PCLO: variants seen among roughly 807,000 people sequenced by gnomAD.
The protein encoded by PCLO is piccolo presynaptic cytomatrix protein.
In PCLO, 82 loss-of-function variants were observed where a neutral mutation model predicts 427.5. The ratio of observed to expected loss-of-function variants is 0.19; its 90% CI spans 0.16 to 0.23. The LOEUF is 0.23. PCLO is among the 10% of genes least tolerant of loss of function. The pLI, the probability that PCLO is intolerant of heterozygous loss-of-function variation, is 1.00. For synonymous variants in PCLO, 2,357 were observed against 2,155.4 expected, an observed-to-expected ratio of 1.09 and a Z score of -2.59; for missense variants, 6,239 against 6,115.9, an observed-to-expected ratio of 1.02 and a Z score of -0.67.
At chr7:82,774,480 T>C (rs1233804577) in intron 22 of PCLO, among the ~76,000 whole-genome samples, 2 of 152,228 alleles carry the variant, frequency 1.3e-5, no homozygotes, top group Non-Finnish European at 2.9e-5. Flanking sequence ...TAAGTCGGGA[T>C]AGACTAGATT....
intron 22 of PCLO, among the ~76,000 whole-genome samples, chr7:82,796,350 C>T (rs188846164): frequency 2.9e-4 from 44 of 151,988 alleles, no homozygotes; most frequent in Middle Eastern, 3.4e-3. Flanking sequence ...GAAATCACAC[C>T]CCAAATAGGA....
At chr7:82,771,341 C>A (rs979226651) in intron 22 of PCLO, among the ~76,000 whole-genome samples, 1 of 151,776 alleles carries the variant, frequency 6.6e-6, no homozygotes, top group African/African-American at 2.4e-5. Context: ...TTGTTAAGTT[C>A]TTTAGGTTCA....
At chr7:82,922,629 A>G (rs1794624173) in intron 6 of PCLO, among the ~76,000 whole-genome samples, 1 of 151,956 alleles carries the variant, frequency 6.6e-6, no homozygotes, top group South Asian at 2.1e-4. Flanking sequence ...ACTAGCTATC[A>G]GGTACTATGC....
intron 3 of PCLO, among the ~76,000 whole-genome samples, chr7:83,009,172 C>T (rs1023872152): frequency 1.3e-5 from 2 of 151,688 alleles, no homozygotes; most frequent in Admixed American, 1.3e-4. Flanking sequence ...ATGCTTAGCT[C>T]CCTGACTAGC....
At chr7:82,789,437 G>A (rs775291605) in intron 22 of PCLO, among the ~76,000 whole-genome samples, 1 of 152,164 alleles carries the variant, frequency 6.6e-6, no homozygotes, top group Non-Finnish European at 1.5e-5. Flanking sequence ...CAGGCACAGT[G>A]GCTCATGCCT....
At chr7:82,845,594 A>C (rs73171308) in intron 12 of PCLO, 109 bp from the exon 13 acceptor site, 1 of 701,328 alleles carries the variant, frequency 1.4e-6, no homozygotes, top group Non-Finnish European at 2.4e-6. Context: ...CTATAAAATA[A>C]GCTAAACTTT....
chr7:82,910,129 A>G (rs1794287491), intron 7 of PCLO, among the ~76,000 whole-genome samples: 1 of 144,956 alleles, frequency 6.9e-6, no homozygotes, highest in South Asian at 2.3e-4. Flanking sequence ...TAGAAGGAAC[A>G]AGGCTCCTCA....
At chr7:83,045,506 A>T (rs371046073) in intron 3 of PCLO, among the ~76,000 whole-genome samples, 1 of 152,206 alleles carries the variant, frequency 6.6e-6, no homozygotes, top group African/African-American at 2.4e-5. Context: ...ATTTGCATAT[A>T]TGCATGGATC....
intron 7 of PCLO, among the ~76,000 whole-genome samples, chr7:82,910,611 A>G (rs1353852521): frequency 2.6e-5 from 4 of 152,140 alleles, no homozygotes; most frequent in African/African-American, 2.4e-5. Flanking sequence ...CATAGCATCC[A>G]ATAAATATTG....
At position 83,162,654 on chromosome 7, in the gene PCLO, C is replaced by G; in HGVS notation, c.-62G>C. Reference sequence around the variant, plus strand: ...CGCGCCGCGTCCCAGTCGAGAAGCCCGCGGCCAGGGGAGCAGTCAGAGCCG... The same window carrying G: ...CGCGCCGCGTCCCAGTCGAGAAGCCGGCGGCCAGGGGAGCAGTCAGAGCCG... On this transcript the variant is annotated 5_prime_UTR_variant, in exon 1 of 25. Coordinates refer to ENST00000333891, the MANE Select transcript of PCLO (RefSeq NM_033026.6). The G allele has an allele frequency of 6.8e-7, 1 of 1,474,636 alleles. No homozygotes were observed. The highest frequency in any genetic ancestry group is 8.9e-7 in the Non-Finnish European group (1 of 1,117,796). 91.3% of individuals were successfully genotyped at this position (1,474,636 alleles called of 1,614,324 possible). A position where few individuals can be genotyped will look rare whatever the true frequency, so the allele number is the denominator to read the frequency against.
intron 3 of PCLO, among the ~76,000 whole-genome samples, chr7:83,058,904 A>T (rs1789468735): frequency 6.6e-6 from 1 of 152,110 alleles, no homozygotes; most frequent in Non-Finnish European, 1.5e-5. Context: ...AAGCAATGAC[A>T]ATATTCATTT....
intron 22 of PCLO, among the ~76,000 whole-genome samples, chr7:82,787,513 T>A: frequency 6.6e-6 from 1 of 152,160 alleles, no homozygotes; most frequent in East Asian, 1.9e-4. Flanking sequence ...ATATTTTATT[T>A]AAAATATATT....
intron 3 of PCLO, among the ~76,000 whole-genome samples, chr7:83,104,206 A>C (rs1790800177): frequency 1.3e-5 from 2 of 152,168 alleles, no homozygotes; most frequent in South Asian, 2.1e-4. Context: ...TGTTTGATTA[A>C]ATTTGTATAT....
intron 7 of PCLO, 21 bp from the exon 8 acceptor site, chr7:82,909,034 T>A (rs373867591): frequency 3.7e-6 from 6 of 1,611,308 alleles, no homozygotes; most frequent in East Asian, 4.5e-5. Context: ...CAAGGAAACA[T>A]CATACATTGC....
chr7:83,046,405 A>G (rs1028644510), intron 3 of PCLO, among the ~76,000 whole-genome samples: 5 of 152,046 alleles, frequency 3.3e-5, no homozygotes, highest in African/African-American at 4.8e-5. Context: ...TTCAGATTGT[A>G]TACCTATGTT....
chr7:83,146,949 C>T (rs1309486491), intron 2 of PCLO, among the ~76,000 whole-genome samples: 1 of 151,828 alleles, frequency 6.6e-6, no homozygotes, highest in East Asian at 1.9e-4. Flanking sequence ...AGCAGAACAT[C>T]TGTTCCTATC....
intron 3 of PCLO, among the ~76,000 whole-genome samples, chr7:83,021,821 C>A (rs1239880653): frequency 6.6e-6 from 1 of 151,884 alleles, no homozygotes; most frequent in African/African-American, 2.4e-5. Flanking sequence ...AACTTTACCA[C>A]AAGATAAGAA....
intron 3 of PCLO, among the ~76,000 whole-genome samples, chr7:82,973,432 T>A (rs1352831816): frequency 6.6e-6 from 1 of 152,196 alleles, no homozygotes; most frequent in Middle Eastern, 3.2e-3. Flanking sequence ...AACATAAATA[T>A]GTATATGAAT....
chr7:82,778,948 T>G (rs1166531212), intron 22 of PCLO, among the ~76,000 whole-genome samples: 1 of 152,056 alleles, frequency 6.6e-6, no homozygotes, highest in African/African-American at 2.4e-5. Context: ...TTTATGTAAA[T>G]TTTAGGGTCA....
Sources: gnomAD v4.1 joint callset for allele counts (sites outside exome capture counted in the v4.1 genomes callset) on GRCh38, gnomAD v4.1.1 for gene constraint, MANE v1.5 for transcripts, NCBI Gene and HGNC (gene_info 2026-07-23, HGNC 2026-07-21) for gene names.